Variants in PHACTR2 observed in about 807,000 individuals in gnomAD.
The protein encoded by PHACTR2 is phosphatase and actin regulator 2, also known as chromosome 6 open reading frame 56.
In PHACTR2, 30 loss-of-function variants were observed where a neutral mutation model predicts 76.0. That is an observed-to-expected ratio of 0.39 (90% confidence interval 0.30 to 0.54). The LOEUF is 0.54. Among genes scored for constraint, PHACTR2 ranks in the 20% least tolerant of loss-of-function variants. The pLI is 0.61. For missense variants in PHACTR2, 696 were observed against 781.1 expected (o/e 0.89, Z 1.30); for synonymous variants, 292 against 292.5 (o/e 1.00, Z 0.02).
At chr6:143,657,788 C>G (rs75524816) in intron 1 of PHACTR2, among the ~76,000 whole-genome samples, 1 of 152,056 alleles carries the variant, frequency 6.6e-6, no homozygotes, top group Non-Finnish European at 1.5e-5. Flanking sequence ...ATGCTTGCCC[C>G]GTGTTGATCA....
chr6:143,651,632 G>A (rs1368730172), intron 1 of PHACTR2, among the ~76,000 whole-genome samples: 1 of 151,498 alleles, frequency 6.6e-6, no homozygotes, highest in Non-Finnish European at 1.5e-5. Context: ...AGTGGGAGCT[G>A]AATGATGAGA....
chr6:143,672,944 C>G lies in PHACTR2; in HGVS notation c.14-39072C>G, dbSNP rs1777181889. The stretch of plus-strand genomic sequence containing the variant: ...TTCACCATGTTGGCCAGGCTGGTCT[C>G]AAGCTCCTGACCTCAGGTGATCCGC... On this transcript the variant is annotated intron_variant, in intron 1 of 11. Coordinates refer to the PHACTR2 transcript ENST00000305766. This position sits in a 1 kb window ranked among gnomAD's most constrained non-coding sequence, Gnocchi z 5.8. Among the ~76,000 whole-genome samples the G allele has an allele frequency of 6.6e-6, 1 of 152,120 alleles. No homozygotes were observed. Among genetic ancestry groups the G allele is most frequent in the Non-Finnish European group, 1.5e-5 (1 of 68,020 alleles).
chr6:143,711,131 G>A (rs1778169013), intron 1 of PHACTR2: 7 of 461,622 alleles, frequency 1.5e-5, no homozygotes, highest in Admixed American at 5.1e-5. Context: ...TTCCATCACC[G>A]CTATACGTTC....
chr6:143,682,261 T>C (rs1285497222), intron 1 of PHACTR2, among the ~76,000 whole-genome samples: 4 of 152,228 alleles, frequency 2.6e-5, no homozygotes, highest in Non-Finnish European at 5.9e-5. Flanking sequence ...TAGTTTTCAG[T>C]GTAGTGCAGT....
rs139491042 is a variant in PHACTR2, at chr6:143,708,843, T to A, written c.47-3173T>A. ...AATTGCTTCAGAGGGAAAGTAGAAT[T>A]TTTATGCAGCATCAGGGAACTGGAT... On this transcript the variant is annotated intron_variant, in intron 1 of 12. Coordinates refer to ENST00000440869, the MANE Select transcript of PHACTR2 (RefSeq NM_001100164.2). This position sits in a 1 kb window ranked among gnomAD's most constrained non-coding sequence, Gnocchi z 5.5. Among the ~76,000 whole-genome samples, 1,633 of 152,278 alleles carry A rather than the reference T, an allele frequency of 0.011. 26 individuals carry two copies. Among genetic ancestry groups the A allele is most frequent in the African/African-American group, 0.037 (1,550 of 41,556 alleles).
rs1778865623 is a variant in PHACTR2, at chr6:143,738,315, A to C, written c.215-10670A>C. 6.6e-6 allele frequency among the ~76,000 whole-genome samples: 1 copy of C among 152,042 alleles called. No individual in the cohort carries two copies. On this transcript the variant is annotated intron_variant, in intron 2 of 12. Transcript: ENST00000440869. This position sits in a 1 kb window ranked among gnomAD's most constrained non-coding sequence, Gnocchi z 4.0. ...CAGTGAGCCGAGATTGTGACACTGC[A>C]CTCCAGCCTGGGCGACAGAGGGAGA...
chr6:143,706,256 T>C (rs1778050691), intron 1 of PHACTR2, among the ~76,000 whole-genome samples: 1 of 152,132 alleles, frequency 6.6e-6, no homozygotes, highest in Non-Finnish European at 1.5e-5. Flanking sequence ...AAGGAGGTGG[T>C]GCTTGCCTAT....
At position 143,549,483 on chromosome 6, in the gene PHACTR2, C is replaced by T. The variant is rs887547015; in HGVS notation, c.217+12276C>T. Among the ~76,000 whole-genome samples, 5 of 151,964 alleles carry T rather than the reference C, an allele frequency of 3.3e-5. No homozygotes were observed. The highest frequency in any genetic ancestry group is 1.2e-4 in the African/African-American group (5 of 41,408). On this transcript the variant is annotated intron_variant, in intron 1 of 11. Coordinates refer to the PHACTR2 transcript ENST00000367584. The surrounding 1 kb of genome is among the most constrained non-coding windows in gnomAD (Gnocchi z 4.2). ...TTTATGGGGGTGACTGCTCCTTAGG[C>T]AGCTGACACATTCTCAGAAGGCCGG...
In PHACTR2 at chr6:143,760,032, A is replaced by G. The variant is rs1455524502; in HGVS notation, c.455-369A>G. ...CTCTCCAGGAGCCTTCAACTTTGTT[A>G]AATCATTGTTTGTTCAATTTAAATG... On this transcript the variant is annotated intron_variant, in intron 4 of 12. Transcript: ENST00000440869. This position sits in a 1 kb window ranked among gnomAD's most constrained non-coding sequence, Gnocchi z 6.4. Among the ~76,000 whole-genome samples, 1 of 152,204 alleles carries G rather than the reference A, an allele frequency of 6.6e-6. No homozygotes were observed. Among genetic ancestry groups the G allele is most frequent in the Non-Finnish European group, 1.5e-5 (1 of 68,024 alleles).
rs2128470647 is a variant in PHACTR2 at position 143,753,700 on chromosome 6, TG to T, written c.296-53del. 7.3e-7 allele frequency: 1 copy of T among 1,367,770 alleles called. No homozygotes were observed. The highest frequency in any genetic ancestry group is 1.0e-6 in the Non-Finnish European group (1 of 997,918). 84.7% of individuals were successfully genotyped at this position (1,367,770 alleles called of 1,614,324 possible). The stretch of plus-strand genomic sequence containing the variant: ...TTACAATCCTAGTAACTGGAAAACT[TG>T]TTTTTAAGAAAGCCAGCAAGTTAGA... On this transcript the variant is annotated intron_variant, in intron 3 of 12. Transcript: ENST00000440869. The surrounding 1 kb of genome is among the most constrained non-coding windows in gnomAD (Gnocchi z 4.6).
chr6:143,576,875 C>CAAAAAAAA (rs35937662), intron 1 of PHACTR2, among the ~76,000 whole-genome samples: 3 of 102,552 alleles, frequency 2.9e-5, no homozygotes, highest in South Asian at 3.6e-4. Context: ...GACTCTGTCT[C>CAAAAAAAA]AAAAAAAAAA....
chr6:143,673,062 T>G (rs9403521), upstream of PHACTR2, among the ~76,000 whole-genome samples: 1 of 151,970 alleles, frequency 6.6e-6, no homozygotes, highest in African/African-American at 2.4e-5. Context: ...GTTAGGATCA[T>G]GTATTTGTAG....
rs1302435833 is a variant in PHACTR2 at position 143,800,203 on chromosome 6, C to A, written c.1846-6854C>A. On this transcript the variant is annotated intron_variant, in intron 11 of 12. Transcript: ENST00000440869. This position sits in a 1 kb window ranked among gnomAD's most constrained non-coding sequence, Gnocchi z 4.8. Reference sequence around the variant, plus strand: ...TTTTATCAGAGACCAGGATTGCAACCTGTGCTATTTTTTTACTTTCTATTT... The same window carrying A: ...TTTTATCAGAGACCAGGATTGCAACATGTGCTATTTTTTTACTTTCTATTT... 6.6e-6 allele frequency among the ~76,000 whole-genome samples: 1 copy of A among 152,102 alleles called. No individual in the cohort carries two copies. The highest frequency in any genetic ancestry group is 2.4e-5 in the African/African-American group (1 of 41,432).
At chr6:143,607,405 T>C (rs1775893714), upstream of PHACTR2, among the ~76,000 whole-genome samples, 1 of 152,194 alleles carries the variant, frequency 6.6e-6, no homozygotes, top group African/African-American at 2.4e-5. Context: ...TCTTTGAGAG[T>C]CATCTTTACA....
chr6:143,669,278 T>A (rs566565356), intron 1 of PHACTR2, among the ~76,000 whole-genome samples: 1 of 152,186 alleles, frequency 6.6e-6, no homozygotes, highest in African/African-American at 2.4e-5. Context: ...TGCTGAGGAG[T>A]GTTTTACTTC....
chr6:143,711,661 G>C (rs1393119651), intron 1 of PHACTR2, among the ~76,000 whole-genome samples: 2 of 152,194 alleles, frequency 1.3e-5, no homozygotes, highest in Non-Finnish European at 2.9e-5. Flanking sequence ...TGGAGGAACA[G>C]CCTATTTCAC....
chr6:143,771,211 T>TAC (rs1775123049), intron 6 of PHACTR2, among the ~76,000 whole-genome samples: 1 of 93,416 alleles, frequency 1.1e-5, no homozygotes, highest in African/African-American at 4.9e-5. Flanking sequence ...TATATATATA[T>TAC]ATATATATAT....
Position 143,578,298 on chromosome 6 carries a change from T to G in PHACTR2, c.217+41091T>G, listed in dbSNP as rs1266006734. ...TCAGTGCAATGCCTCATCCTCCATG[T>G]TTCCCCTTCTAGGATGATCTAGTTT... On this transcript the variant is annotated intron_variant, in intron 1 of 11. Coordinates refer to the PHACTR2 transcript ENST00000367584. The surrounding 1 kb of genome is among the most constrained non-coding windows in gnomAD (Gnocchi z 4.5). Among the ~76,000 whole-genome samples the G allele has an allele frequency of 6.6e-6, 1 of 152,220 alleles. No individual in the cohort carries two copies. Among genetic ancestry groups the G allele is most frequent in the African/African-American group, 2.4e-5 (1 of 41,462 alleles).
In PHACTR2 at chr6:143,753,852, G is replaced by A. The variant is rs1248628657; in HGVS notation, c.394G>A (p.Gly132Ser). The change falls in exon 4 of 13, where the codon GGT becomes AGT. Residue 132 changes from glycine (G) to serine (S), a missense_variant. By Grantham distance (56) the Gly-to-Ser change is moderately conservative. This residue lies in a region of PHACTR2 where 460 missense variants were observed against 450.9 expected (regional missense o/e 1.02). Transcript: ENST00000440869. This position sits in a 1 kb window ranked among gnomAD's most constrained non-coding sequence, Gnocchi z 4.6. ...REENVVKSEEGNGSVSEKTPP... is the reference protein window; with the variant it reads ...REENVVKSEESNGSVSEKTPP... ...GGAAAATGTAGTAAAGTCTGAAGAA[G>A]GTAATGGCTCTGTATCTGAAAAAAC... The A allele has an allele frequency of 6.2e-7, 1 of 1,613,200 alleles. No homozygotes were observed. Among genetic ancestry groups the A allele is most frequent in the Non-Finnish European group, 8.5e-7 (1 of 1,179,446 alleles).
Sources: gnomAD v4.1 joint callset for allele counts (sites outside exome capture counted in the v4.1 genomes callset) on GRCh38, gnomAD v4.1.1 for gene constraint, gnomAD v4.1.1 regional missense constraint, Gnocchi (gnomAD v3.1) non-coding constraint, MANE v1.5 for transcripts, NCBI Gene and HGNC (gene_info 2026-07-23, HGNC 2026-07-21) for gene names.